Variants in GLYAT observed in about 807,000 individuals in gnomAD.
GLYAT encodes glycine N-acyltransferase.
In GLYAT, 25 loss-of-function variants were observed where a neutral mutation model predicts 22.8. The observed-to-expected ratio is 1.09, with a 90% CI of 0.80 to 1.53. The LOEUF is 1.53. Ranked by LOEUF, GLYAT falls within the 40% of genes most tolerant of loss-of-function variation. GLYAT has a pLI of 0.00. For synonymous variants in GLYAT, 140 were observed against 122.7 expected, an observed-to-expected ratio of 1.14 and a Z score of -0.93; for missense variants, 411 against 353.9, an observed-to-expected ratio of 1.16 and a Z score of -1.29.
At chr11:58,720,109 C>T (rs1856731377) in intron 2 of GLYAT, among the ~76,000 whole-genome samples, 1 of 151,560 alleles carries the variant, frequency 6.6e-6, no homozygotes, top group Non-Finnish European at 1.5e-5. Flanking sequence ...TTTTTTTAGT[C>T]CTAGTCCCTT....
chr11:58,721,967 G>C (rs1335022404), intron 2 of GLYAT, among the ~76,000 whole-genome samples: 1 of 152,032 alleles, frequency 6.6e-6, no homozygotes, highest in African/African-American at 2.4e-5. Context: ...AGCACCGTAA[G>C]TGTAAGCAGA....
chr11:58,709,612 C>A lies in GLYAT; in HGVS notation c.*154G>T, dbSNP rs558011744. 4 of 726,728 alleles carry A rather than the reference C, an allele frequency of 5.5e-6. No individual in the cohort carries two copies. In the South Asian group the frequency reaches 6.8e-5, roughly 12 times the overall value. 45.0% of individuals were successfully genotyped at this position (726,728 alleles called of 1,614,324 possible). A position where few individuals can be genotyped will look rare whatever the true frequency, so the allele number is the denominator to read the frequency against. ...AAACCTGTGAATGCAGGGACCATGG[C>A]GATGCTGTTGAACATCACACTGCTT... On this transcript the variant is annotated 3_prime_UTR_variant, in exon 6 of 6. Coordinates refer to ENST00000344743, the MANE Select transcript of GLYAT (RefSeq NM_201648.3).
chr11:58,726,883 T>C (rs2134496771), intron 1 of GLYAT, among the ~76,000 whole-genome samples: 1 of 152,112 alleles, frequency 6.6e-6, no homozygotes, highest in South Asian at 2.1e-4. Context: ...GAGAGAGCAA[T>C]GTTTATTTGC....
intron 1 of GLYAT, among the ~76,000 whole-genome samples, chr11:58,728,221 C>T (rs986598268): frequency 6.6e-6 from 1 of 151,968 alleles, no homozygotes; most frequent in Non-Finnish European, 1.5e-5. Flanking sequence ...CAACACCACA[C>T]CCAAGTAATT....
Position 58,731,930 on chromosome 11 carries a change from G to C in GLYAT, c.-111C>G, listed in dbSNP as rs999143232. The C allele has an allele frequency of 3.3e-5, 5 of 152,154 alleles. No homozygotes were observed. Among genetic ancestry groups the C allele is most frequent in the African/African-American group, 1.2e-4 (5 of 41,436 alleles). 9.4% of individuals were successfully genotyped at this position (152,154 alleles called of 1,614,324 possible). A position where few individuals can be genotyped will look rare whatever the true frequency, so the allele number is the denominator to read the frequency against. On this transcript the variant is annotated 5_prime_UTR_variant, in exon 1 of 6. Transcript: ENST00000344743. ...TCTCCCTGATGCAGCCAGTTCAGCAGAGTCTCGCAGAGTAAATTTTGATAC... is the reference window on the plus strand; with the variant it reads ...TCTCCCTGATGCAGCCAGTTCAGCACAGTCTCGCAGAGTAAATTTTGATAC...
In GLYAT at chr11:58,709,925, C is replaced by T. The variant is rs114888117; in HGVS notation, c.732G>A (p.Thr244=). The T allele has an allele frequency of 1.7e-3, 2,751 of 1,614,070 alleles. 32 individuals carry two copies. The highest frequency in any genetic ancestry group is 0.017 in the African/African-American group (1,270 of 75,054). Residue 244 remains threonine, a synonymous_variant, in exon 6 of 6, where the codon ACG becomes ACA. Coordinates refer to ENST00000344743, the MANE Select transcript of GLYAT (RefSeq NM_201648.3). ...TCTGGGCGTGGGAATAGATGACATA[C>T]GTCACAAGGCCATGGAGCCGGTATT... ...LPEYRLHGLV[T]YVIYSHAQKL...
intron 1 of GLYAT, among the ~76,000 whole-genome samples, chr11:58,729,587 G>A (rs1033139056): frequency 1.3e-5 from 2 of 152,038 alleles, no homozygotes; most frequent in African/African-American, 2.4e-5. Context: ...CATAAGTAAC[G>A]AATGATTGAA....
chr11:58,720,888 C>T (rs1410910822), intron 2 of GLYAT, among the ~76,000 whole-genome samples: 2 of 151,862 alleles, frequency 1.3e-5, no homozygotes, highest in East Asian at 3.9e-4. Context: ...GACATTTCTA[C>T]TATTACTTTA....
Position 58,709,840 on chromosome 11 carries a change from G to A in GLYAT, c.817C>T (p.Gln273Ter). Residue 273 changes from glutamine to a stop codon, truncating the protein, a stop_gained, in exon 6 of 6, where the codon CAA becomes TAA. Transcript: ENST00000344743. LOFTEE classifies it low-confidence loss of function (END_TRUNC). ...SHVDYSNEAM[Q>*]KMSYTLQHVP... ...TGTTGCAGTGTGTAACTCATTTTTT[G>A]CATAGCTTCATTGCTGTAGTCTACA... The A allele has an allele frequency of 1.9e-6, 3 of 1,612,808 alleles. No individual in the cohort carries two copies. The highest frequency in any genetic ancestry group is 2.5e-6 in the Non-Finnish European group (3 of 1,179,506).
At chr11:58,712,031 G>T (rs1015110148) in intron 4 of GLYAT, among the ~76,000 whole-genome samples, 30 of 152,192 alleles carry the variant, frequency 2.0e-4, no homozygotes, top group African/African-American at 7.2e-4. Flanking sequence ...GAGTGAGGCC[G>T]TGTAAGAGCA....
intron 2 of GLYAT, 111 bp from the exon 3 acceptor site, chr11:58,715,534 C>A (rs1856670010): frequency 1.6e-6 from 1 of 622,830 alleles, no homozygotes; most frequent in East Asian, 2.7e-5. Flanking sequence ...TTTTATGATA[C>A]AAAGTAGCCA....
intron 2 of GLYAT, among the ~76,000 whole-genome samples, chr11:58,717,443 T>C (rs752466283): frequency 1.1e-4 from 17 of 152,102 alleles, no homozygotes; most frequent in Non-Finnish European, 2.4e-4. Context: ...GGCTTATGTA[T>C]GTAAACAGGT....
At chr11:58,723,849 C>T (rs967788826) in intron 2 of GLYAT, among the ~76,000 whole-genome samples, 7 of 151,248 alleles carry the variant, frequency 4.6e-5, no homozygotes, top group Non-Finnish European at 1.0e-4. Flanking sequence ...TTATTAATAC[C>T]AGGTTAAGAG....
rs551831933 is a variant in GLYAT, at chr11:58,709,945, G to A, written c.712C>T (p.Arg238Trp). The A allele has an allele frequency of 2.5e-5, 40 of 1,614,018 alleles. No homozygotes were observed. Among genetic ancestry groups the A allele is most frequent in the Middle Eastern group, 3.3e-4 (2 of 6,060 alleles). Residue 238 changes from arginine to tryptophan, a missense_variant, in exon 6 of 6, where the codon CGG becomes TGG. By Grantham distance (101) the Arg-to-Trp change is moderately radical. Transcript: ENST00000344743. ...ACATACGTCACAAGGCCATGGAGCC[G>A]GTATTCCGGCAAGGTGCCTGCCATT... is the stretch of plus-strand genomic sequence containing the variant. ...MRMAGTLPEYRLHGLVTYVIY... is the reference protein window; with the variant it reads ...MRMAGTLPEYWLHGLVTYVIY...
At chr11:58,723,494 T>C (rs1856777375) in intron 2 of GLYAT, among the ~76,000 whole-genome samples, 1 of 152,202 alleles carries the variant, frequency 6.6e-6, no homozygotes, top group East Asian at 1.9e-4. Context: ...ATGCTAATAT[T>C]TTCTCCTTTA....
At chr11:58,715,051 C>T (rs755631296) in intron 3 of GLYAT, among the ~76,000 whole-genome samples, 10 of 152,048 alleles carry the variant, frequency 6.6e-5, no homozygotes, top group South Asian at 2.1e-4. Flanking sequence ...CTGAACTTAT[C>T]GGGTAGCCCC....
At chr11:58,720,237 A>G (rs142225142) in intron 2 of GLYAT, among the ~76,000 whole-genome samples, 43 of 152,096 alleles carry the variant, frequency 2.8e-4, no homozygotes, top group African/African-American at 9.9e-4. Context: ...TTTTCCTACA[A>G]TATATTTTTA....
At chr11:58,710,391 G>A in intron 5 of GLYAT, 199 bp downstream of exon 5, 1 of 762,198 alleles carries the variant, frequency 1.3e-6, no homozygotes. Context: ...CAGAGGCCTG[G>A]TTTATTCTAG....
chr11:58,709,576 T>G lies in GLYAT; in HGVS notation c.*190A>C. 1.8e-6 allele frequency: 1 copy of G among 567,602 alleles called. No individual in the cohort carries two copies. Among genetic ancestry groups the G allele is most frequent in the Non-Finnish European group, 3.0e-6 (1 of 332,890 alleles). 35.2% of individuals were successfully genotyped at this position (567,602 alleles called of 1,614,324 possible). A position where few individuals can be genotyped will look rare whatever the true frequency, so the allele number is the denominator to read the frequency against. On this transcript the variant is annotated 3_prime_UTR_variant, in exon 6 of 6. Coordinates refer to ENST00000344743, the MANE Select transcript of GLYAT (RefSeq NM_201648.3). ...CAAATGTAAGAGGACCTGGGCCTGCTTCCCACTGAGAAACCTGTGAATGCA... is the reference window on the plus strand; with the variant it reads ...CAAATGTAAGAGGACCTGGGCCTGCGTCCCACTGAGAAACCTGTGAATGCA...
Sources: allele counts gnomAD v4.1 joint callset (sites outside exome capture counted in the v4.1 genomes callset), GRCh38; gene constraint gnomAD v4.1.1; transcripts MANE v1.5; gene names NCBI Gene and HGNC (gene_info 2026-07-23, HGNC 2026-07-21).